YJU2B: variants seen among roughly 807,000 people sequenced by gnomAD.
YJU2B encodes probable splicing factor YJU2B.
Under a neutral mutation model 38.0 loss-of-function variants are expected in YJU2B, and 18 were observed. The observed-to-expected ratio is 0.47, with a 90% CI of 0.33 to 0.70. YJU2B has a LOEUF of 0.70. Ranked by LOEUF, YJU2B falls within the 30% of genes least tolerant of loss-of-function variation. YJU2B has a pLI of 0.02. For missense variants in YJU2B, 538 were observed against 556.3 expected (o/e 0.97, Z 0.33); for synonymous variants, 246 against 225.4 (o/e 1.09, Z -0.82).
At chr19:13,740,189 A>C (rs1973055738) in intron 2 of YJU2B, among the ~76,000 whole-genome samples, 1 of 152,194 alleles carries the variant, frequency 6.6e-6, no homozygotes, top group Admixed American at 6.6e-5. Flanking sequence ...CATCACTCTC[A>C]GCAAACTAAC....
At chr19:13,746,935 TA>T (rs1378113488), upstream of YJU2B, among the ~76,000 whole-genome samples, 4 of 149,762 alleles carry the variant, frequency 2.7e-5, no homozygotes, top group Admixed American at 1.3e-4. Flanking sequence ...AAGAAAAGAA[TA>T]GGGGTTTGGG....
At chr19:13,747,710 G>A (rs1280487299), upstream of YJU2B, 1 of 152,472 alleles carries the variant, frequency 6.6e-6, no homozygotes, top group African/African-American at 2.4e-5. Context: ...TGGGCCTCAC[G>A]TAGTGGGCTG....
At chr19:13,738,774 C>G (rs1013933544) in intron 2 of YJU2B, among the ~76,000 whole-genome samples, 5 of 151,870 alleles carry the variant, frequency 3.3e-5, no homozygotes, top group Non-Finnish European at 7.4e-5. Flanking sequence ...CCTATAGTCC[C>G]AGCTACTCGG....
chr19:13,756,182 A>G lies in YJU2B; in HGVS notation c.58-15A>G. 1 of 1,611,696 alleles carries G rather than the reference A, an allele frequency of 6.2e-7. No individual in the cohort carries two copies. The stretch of plus-strand genomic sequence containing the variant: ...GCTCAGCAGCACTAATCCGCTCCTC[A>G]TCCTCTCCACACAGCATGGCTCTCT... On this transcript the variant is annotated splice_polypyrimidine_tract_variant and intron_variant, in intron 3 of 9. Coordinates refer to ENST00000221554, the MANE Select transcript of YJU2B (RefSeq NM_030818.4).
chr19:13,762,315 T>A lies in YJU2B; in HGVS notation c.590T>A (p.Ile197Asn). The change falls in exon 9 of 10, where the codon ATC becomes AAC. Residue 197 changes from isoleucine to asparagine, a missense_variant. Around this residue, in one of 2 missense-constraint regions of YJU2B, gnomAD observed 488 missense variants for 469.5 expected, o/e 1.04. Coordinates refer to ENST00000221554, the MANE Select transcript of YJU2B (RefSeq NM_030818.4). The stretch of plus-strand genomic sequence containing the variant: ...TCAACACAGGAAAAGAAAAAAGCCA[T>A]CCAGGAGGAGGAGGAGAGAGACCAG... The part of the protein sequence containing the change: ...RRRFREKKKA[I>N]QEEEERDQAL... 1 of 1,613,364 alleles carries A rather than the reference T, an allele frequency of 6.2e-7. No homozygotes were observed.
chr19:13,763,134 G>A lies in YJU2B; in HGVS notation c.*66G>A, dbSNP rs1437036195. On this transcript the variant is annotated 3_prime_UTR_variant, in exon 10 of 10. Transcript: ENST00000221554. Reference sequence around the variant, plus strand: ...GGACACACCCAGGAGGCCCCTCACAGACTGCAGACCCCCGGCTCGCCCACC... The same window carrying A: ...GGACACACCCAGGAGGCCCCTCACAAACTGCAGACCCCCGGCTCGCCCACC... The A allele has an allele frequency of 7.3e-7, 1 of 1,364,688 alleles. No homozygotes were observed. The highest frequency in any genetic ancestry group is 1.0e-6 in the Non-Finnish European group (1 of 1,004,896). The allele number at this position is 1,364,688 out of a possible 1,614,324, so 84.5% of individuals were successfully genotyped here. A position where few individuals can be genotyped will look rare whatever the true frequency, so the allele number is the denominator to read the frequency against.
In YJU2B at chr19:13,760,329, G is replaced by A. The variant is rs114883538; in HGVS notation, c.573+1057G>A. Among the ~76,000 whole-genome samples the A allele has an allele frequency of 9.8e-3, 1,486 of 152,250 alleles. 27 individuals are homozygous for A. The highest frequency in any genetic ancestry group is 0.033 in the African/African-American group (1,385 of 41,548). The stretch of plus-strand genomic sequence containing the variant: ...TGGTGAGGGCCCATTTCTCATAGGC[G>A]GTGGCTTCTAGCTGTGTCCTCATGT... On this transcript the variant is annotated intron_variant, in intron 8 of 9. Coordinates refer to ENST00000221554, the MANE Select transcript of YJU2B (RefSeq NM_030818.4).
intron 4 of YJU2B, among the ~76,000 whole-genome samples, 171 bp from the exon 5 acceptor site, chr19:13,757,243 ATTCT>A (rs2145153873): frequency 6.6e-6 from 1 of 152,128 alleles, no homozygotes; most frequent in South Asian, 2.1e-4. Flanking sequence ...AATGGTTGTG[ATTCT>A]TTTTCTTCCA....
chr19:13,762,650 C>A lies in YJU2B; in HGVS notation c.773C>A (p.Ser258Tyr), dbSNP rs560051727. The stretch of plus-strand genomic sequence containing the variant: ...ATCATCAGCCGCTCCTGGTTCCCCT[C>A]TGCCCCCGGATCCGCCTCCAGCAGC... Reference protein sequence around the residue: ...TEIISRSWFPSAPGSASSSKV... With the variant: ...TEIISRSWFPYAPGSASSSKV... The change falls in exon 10 of 10, where the codon TCT becomes TAT. Residue 258 changes from serine to tyrosine, a missense_variant. Physicochemically the swap from Ser to Tyr is moderately radical, Grantham distance 144. Transcript: ENST00000221554. The A allele has an allele frequency of 6.4e-7, 1 of 1,556,138 alleles. No homozygotes were observed. The highest frequency in any genetic ancestry group is 8.6e-7 in the Non-Finnish European group (1 of 1,158,196).
rs539199952 is a variant in YJU2B at position 13,742,364 on chromosome 19, G to A, written c.-201-9244G>A. On this transcript the variant is annotated intron_variant, in intron 2 of 10. Transcript: ENST00000586600. The stretch of plus-strand genomic sequence containing the variant: ...GTCGCCAGCGCTGGAGTGCAGTGGC[G>A]CAATCTCGGCTCACTGCAACCTCCG... Among the ~76,000 whole-genome samples, 11 of 142,608 alleles carry A rather than the reference G, an allele frequency of 7.7e-5. No homozygotes were observed. The South Asian group carries it at 1.1e-3, about 14-fold the overall frequency. The allele number at this position is 142,608 out of a possible 152,430, so 93.6% of individuals were successfully genotyped here.
Position 13,742,294 on chromosome 19 carries a change from C to CTTTTTTTTT in YJU2B, c.-201-9294_-201-9286dup, listed in dbSNP as rs552865402. ...CCATCTGGTCCTTCTTTGAGTCCCACTTTTTTTTTTTTTTTTTTTTTTTTT... is the reference window on the plus strand; with the variant it reads ...CCATCTGGTCCTTCTTTGAGTCCCACTTTTTTTTTTTTTTTTTTTTTTTTTTTTTTTTTT... On this transcript the variant is annotated intron_variant, in intron 2 of 10. Coordinates refer to the YJU2B transcript ENST00000586600. 8.4e-4 allele frequency among the ~76,000 whole-genome samples: 94 copies of CTTTTTTTTT among 111,982 alleles called. 2 individuals carry two copies. The highest frequency in any genetic ancestry group is 3.2e-3 in the African/African-American group (88 of 27,648). 73.5% of individuals were successfully genotyped at this position (111,982 alleles called of 152,430 possible). A position where few individuals can be genotyped will look rare whatever the true frequency, so the allele number is the denominator to read the frequency against.
In YJU2B at chr19:13,751,779, G is replaced by A. The variant is rs143937334; in HGVS notation, c.-30G>A. On this transcript the variant is annotated 5_prime_UTR_variant, in exon 2 of 10. Transcript: ENST00000221554. ...AGGCCAGTTTCTGATCGTCCGCCCC[G>A]AGGCTGAGGACCAGTAGGCAGCTCC... 1.1e-4 allele frequency: 181 copies of A among 1,613,974 alleles called. No homozygotes were observed. The African/African-American group carries it at 1.8e-3, about 16-fold the overall frequency.
chr19:13,759,068 C>T, intron 7 of YJU2B, 32 bp from the exon 8 acceptor site: 2 of 1,612,584 alleles, frequency 1.2e-6, no homozygotes, highest in South Asian at 2.2e-5. Context: ...CGCTGGGGCC[C>T]CCAAAGCCCA....
Position 13,762,300 on chromosome 19 carries a change from A to T in YJU2B, c.575A>T (p.Glu192Val), listed in dbSNP as rs531950544. ...LNSMLRRRFREKKKAIQEEEE... is the reference protein window; with the variant it reads ...LNSMLRRRFRVKKKAIQEEEE... Reference sequence around the variant, plus strand: ...TGGTGTTCTTGGCCCTCAACACAGGAAAAGAAAAAAGCCATCCAGGAGGAG... The same window carrying T: ...TGGTGTTCTTGGCCCTCAACACAGGTAAAGAAAAAAGCCATCCAGGAGGAG... The change falls in exon 9 of 10, where the codon GAA becomes GTA. Residue 192 changes from glutamate (E) to valine (V), a missense_variant and splice_region_variant. This residue lies in a region of YJU2B where 488 missense variants were observed against 469.5 expected (regional missense o/e 1.04). Transcript: ENST00000221554. The T allele has an allele frequency of 6.2e-7, 1 of 1,613,386 alleles. No individual in the cohort carries two copies. Among genetic ancestry groups the T allele is most frequent in the South Asian group, 1.1e-5 (1 of 91,056 alleles).
chr19:13,755,830 C>T (rs555735448), intron 3 of YJU2B, among the ~76,000 whole-genome samples: 10 of 152,030 alleles, frequency 6.6e-5, no homozygotes, highest in Non-Finnish European at 8.8e-5. Context: ...TGGTGGCAGG[C>T]GCCTGTAATC....
intron 8 of YJU2B, among the ~76,000 whole-genome samples, chr19:13,759,797 A>ATTT (rs3059654): frequency 0.4 from 52,374 of 129,506 alleles, 10,832 homozygotes; most frequent in East Asian, 0.59. Context: ...CGCCTGGCTA[A>ATTT]TTTTTTTTTT....
chr19:13,748,425 G>A (rs1973331517), intron 1 of YJU2B, among the ~76,000 whole-genome samples: 1 of 152,042 alleles, frequency 6.6e-6, no homozygotes, highest in Non-Finnish European at 1.5e-5. Flanking sequence ...CAGATAGGAA[G>A]CAGCAGGGTG....
rs766112312 is a variant in YJU2B, at chr19:13,762,594, C to T, written c.717C>T (p.Tyr239=). The change falls in exon 10 of 10, where the codon TAC becomes TAT. Residue 239 remains tyrosine (Y), a synonymous_variant. Coordinates refer to ENST00000221554, the MANE Select transcript of YJU2B (RefSeq NM_030818.4). ...ATGTCCTCTCCTCTCCTCTAGCCTA[C>T]GAGGACAAGCAGAAACTCAAGCGGA... ...ALLKFHTLDS[Y]EDKQKLKRTE... is the part of the protein sequence containing the mutation. 1.3e-6 allele frequency: 2 copies of T among 1,528,356 alleles called. No homozygotes were observed. The highest frequency in any genetic ancestry group is 8.7e-7 in the Non-Finnish European group (1 of 1,145,044). 94.7% of individuals were successfully genotyped at this position (1,528,356 alleles called of 1,614,324 possible).
intron 3 of YJU2B, among the ~76,000 whole-genome samples, chr19:13,755,418 G>A (rs557923170): frequency 3.5e-4 from 50 of 144,492 alleles, no homozygotes; most frequent in South Asian, 8.8e-4. Context: ...CCGAGATCAC[G>A]CCACTGCACT....
Sources: allele counts gnomAD v4.1 joint callset (sites outside exome capture counted in the v4.1 genomes callset), GRCh38; gene constraint gnomAD v4.1.1; regional missense constraint gnomAD v4.1.1; transcripts MANE v1.5; gene names NCBI Gene and HGNC (gene_info 2026-07-23, HGNC 2026-07-21).